Variants in SPTLC1 observed in about 807,000 individuals in gnomAD.
SPTLC1 encodes serine palmitoyltransferase long chain base subunit 1.
In SPTLC1, 55 loss-of-function variants were observed where a neutral mutation model predicts 68.9. The ratio of observed to expected loss-of-function variants is 0.80; its 90% CI spans 0.64 to 1.00. SPTLC1 has a LOEUF of 1.00. SPTLC1 is among the 50% of genes least tolerant of loss of function. The probability of loss-of-function intolerance (pLI) is 0.00; values close to 1 mark genes in which losing one functional copy is unlikely to be tolerated. For synonymous variants in SPTLC1, 197 were observed against 201.6 expected (o/e 0.98, Z 0.19); for missense variants, 449 against 573.1 (o/e 0.78, Z 2.21).
intron 5 of SPTLC1, among the ~76,000 whole-genome samples, chr9:92,077,765 G>A (rs1043869893): frequency 6.6e-6 from 1 of 151,968 alleles, no homozygotes; most frequent in Non-Finnish European, 1.5e-5. Context: ...CTGATATCTC[G>A]TGGTGTCACC....
intron 3 of SPTLC1, among the ~76,000 whole-genome samples, chr9:92,106,999 G>A (rs1484584529): frequency 1.3e-5 from 2 of 152,174 alleles, no homozygotes; most frequent in Non-Finnish European, 2.9e-5. Flanking sequence ...TAAATGGGTA[G>A]TGAGATTAAG....
intron 8 of SPTLC1, among the ~76,000 whole-genome samples, chr9:92,052,676 T>C (rs957781679): frequency 1.1e-4 from 16 of 151,840 alleles, no homozygotes; most frequent in Non-Finnish European, 1.8e-4. Flanking sequence ...ATTACAGGCG[T>C]GTACCACCAC....
chr9:92,105,393 A>G, intron 3 of SPTLC1: 1 of 1,495,408 alleles, frequency 6.7e-7, no homozygotes, highest in Non-Finnish European at 9.0e-7. Context: ...AGACTAAGAG[A>G]GCTGCTTAGG....
chr9:92,059,286 T>C lies in SPTLC1; in HGVS notation c.583A>G (p.Ile195Val), dbSNP rs1282565542. Residue 195 changes from isoleucine (I) to valine (V), a missense_variant, in exon 7 of 15, where the codon ATT becomes GTT. Transcript: ENST00000262554. ...VFVDRAACFA[I>V]QKGLQASRSD... The stretch of plus-strand genomic sequence containing the variant: ...CGGGATGCCTGTAATCCTTTCTGAA[T>C]AGCAAAGCAGGCAGCTCTATCTCTG... 3 of 1,614,094 alleles carry C rather than the reference T, an allele frequency of 1.9e-6. No individual in the cohort carries two copies. Among genetic ancestry groups the C allele is most frequent in the East Asian group, 2.2e-5 (1 of 44,850 alleles).
At chr9:92,096,410 T>C (rs528241967) in intron 3 of SPTLC1, among the ~76,000 whole-genome samples, 1 of 152,336 alleles carries the variant, frequency 6.6e-6, no homozygotes, top group South Asian at 2.1e-4. Context: ...TAAAATCATC[T>C]TATTATACAT....
In SPTLC1 at chr9:92,094,852, A is replaced by G. The variant is rs1835477110; in HGVS notation, c.260+13888T>C. Reference sequence around the variant, plus strand: ...CCAGCAGGGCATACACTTCAACTGGAGTGCTGACAGTAAGCCCGCCACCAC... The same window carrying G: ...CCAGCAGGGCATACACTTCAACTGGGGTGCTGACAGTAAGCCCGCCACCAC... On this transcript the variant is annotated intron_variant, in intron 3 of 14. Transcript: ENST00000262554. 1.3e-5 allele frequency among the ~76,000 whole-genome samples: 2 copies of G among 152,190 alleles called. 1 individual carries two copies. Among genetic ancestry groups the G allele is most frequent in the South Asian group, 4.1e-4 (2 of 4,834 alleles).
At chr9:92,103,065 G>A (rs890646746) in intron 3 of SPTLC1, among the ~76,000 whole-genome samples, 5 of 152,196 alleles carry the variant, frequency 3.3e-5, no homozygotes, top group African/African-American at 4.8e-5. Flanking sequence ...CGTAAATAAT[G>A]TATTTGCTTT....
chr9:92,035,600 T>G (rs1431596583), intron 13 of SPTLC1, among the ~76,000 whole-genome samples: 2 of 152,190 alleles, frequency 1.3e-5, no homozygotes, highest in African/African-American at 4.8e-5. Flanking sequence ...ACCTGCTGAA[T>G]GTATGATACT....
At chr9:92,063,895 T>A (rs1834190032) in intron 6 of SPTLC1, among the ~76,000 whole-genome samples, 1 of 152,186 alleles carries the variant, frequency 6.6e-6, no homozygotes, top group Admixed American at 6.6e-5. Flanking sequence ...AATCTGCACG[T>A]AACATTATAC....
chr9:92,089,960 T>C (rs1835295221), intron 3 of SPTLC1, among the ~76,000 whole-genome samples: 2 of 152,164 alleles, frequency 1.3e-5, no homozygotes, highest in Non-Finnish European at 2.9e-5. Flanking sequence ...ATGATCCACT[T>C]AGAACCTGTT....
chr9:92,047,575 A>T (rs1833560890), intron 10 of SPTLC1, 38 bp downstream of exon 10: 2 of 1,354,824 alleles, frequency 1.5e-6, no homozygotes, highest in Non-Finnish European at 2.1e-6. Context: ...TGGAGAAATT[A>T]GTTTCAGTTT....
intron 3 of SPTLC1, among the ~76,000 whole-genome samples, chr9:92,086,653 T>G (rs1407023354): frequency 2.6e-5 from 4 of 152,240 alleles, no homozygotes; most frequent in African/African-American, 9.6e-5. Flanking sequence ...TAACCCAACC[T>G]TTCTCTCTGG....
chr9:92,098,128 C>T (rs1173318981), intron 3 of SPTLC1, among the ~76,000 whole-genome samples: 3 of 152,264 alleles, frequency 2.0e-5, no homozygotes, highest in South Asian at 4.1e-4. Context: ...TCTCGGCAGC[C>T]ATCTTGGCTA....
chr9:92,056,316 G>A (rs1833889386), intron 7 of SPTLC1, among the ~76,000 whole-genome samples: 1 of 152,010 alleles, frequency 6.6e-6, no homozygotes, highest in South Asian at 2.1e-4. Context: ...TGCAACCTCC[G>A]CCTCCAGGGT....
chr9:92,103,397 G>A (rs865958546), intron 3 of SPTLC1, among the ~76,000 whole-genome samples: 20 of 152,144 alleles, frequency 1.3e-4, no homozygotes, highest in African/African-American at 4.6e-4. Flanking sequence ...GATATGCCAC[G>A]GTGCTAAGTA....
chr9:92,054,038 T>C (rs1833798388), intron 8 of SPTLC1: 1 of 866,498 alleles, frequency 1.2e-6, no homozygotes, highest in African/African-American at 1.8e-5. Flanking sequence ...TCTCAGCACT[T>C]TGGGAGGCCA....
chr9:92,072,958 C>G (rs988895933), intron 5 of SPTLC1, among the ~76,000 whole-genome samples: 1 of 151,840 alleles, frequency 6.6e-6, no homozygotes, highest in African/African-American at 2.4e-5. Context: ...TTTCTCCCCC[C>G]AACCCACCTA....
intron 13 of SPTLC1, among the ~76,000 whole-genome samples, chr9:92,037,671 G>A (rs1345281598): frequency 6.6e-6 from 1 of 152,220 alleles, no homozygotes; most frequent in Non-Finnish European, 1.5e-5. Flanking sequence ...CCCTGGTGAT[G>A]TGTTTCTTAG....
chr9:92,083,549 G>A (rs1001403872), intron 3 of SPTLC1, among the ~76,000 whole-genome samples: 1 of 152,188 alleles, frequency 6.6e-6, no homozygotes, highest in African/African-American at 2.4e-5. Flanking sequence ...TCAGATAGTT[G>A]TAGATATGTG....
Sources: gnomAD v4.1 joint callset for allele counts (sites outside exome capture counted in the v4.1 genomes callset) on GRCh38, gnomAD v4.1.1 for gene constraint, MANE v1.5 for transcripts, NCBI Gene and HGNC (gene_info 2026-07-23, HGNC 2026-07-21) for gene names.